The following PYGB variants were observed in gnomAD, a reference collection of about 807,000 sequenced individuals.
The protein encoded by PYGB is glycogen phosphorylase, brain form.
In PYGB, 82 loss-of-function variants were observed where a neutral mutation model predicts 94.3. The observed-to-expected ratio is 0.87, with a 90% CI of 0.73 to 1.04. PYGB has a LOEUF of 1.04. Among genes scored for constraint, PYGB ranks in the 50% least tolerant of loss-of-function variants. The pLI is 0.00. For synonymous variants in PYGB, 488 were observed against 479.1 expected (o/e 1.02, Z -0.24); for missense variants, 1,132 against 1,158.2 (o/e 0.98, Z 0.33).
intron 7 of PYGB, 45 bp downstream of exon 7, chr20:25,277,371 C>CTGGCATA (rs756407679): frequency 1.3e-6 from 2 of 1,515,864 alleles, no homozygotes; most frequent in Non-Finnish European, 1.8e-6. Flanking sequence ...GTATCGCTTT[C>CTGGCATA]TGGCATAGAG....
intron 18 of PYGB, chr20:25,294,794 T>A: frequency 7.0e-6 from 5 of 710,896 alleles, no homozygotes; most frequent in Non-Finnish European, 1.3e-5. Context: ...GCACATGGTA[T>A]GGTTTATCTA....
chr20:25,251,144 G>A (rs1325095049), intron 1 of PYGB: 2 of 152,234 alleles, frequency 1.3e-5, no homozygotes, highest in Non-Finnish European at 2.9e-5. Context: ...AACATGGAGA[G>A]CTTTGTGCTT....
intron 1 of PYGB, among the ~76,000 whole-genome samples, chr20:25,255,344 C>T (rs1280255900): frequency 6.6e-6 from 1 of 152,210 alleles, no homozygotes; most frequent in African/African-American, 2.4e-5. Flanking sequence ...TGAGACTGCT[C>T]AGCTCACCAG....
At chr20:25,257,370 G>A (rs1453232222) in intron 1 of PYGB, among the ~76,000 whole-genome samples, 4 of 152,200 alleles carry the variant, frequency 2.6e-5, no homozygotes, top group Admixed American at 2.0e-4. Flanking sequence ...AATTGGAGAC[G>A]CACAGGCTTC....
intron 12 of PYGB, among the ~76,000 whole-genome samples, chr20:25,282,783 A>C (rs751743841): frequency 3.3e-5 from 5 of 152,300 alleles, no homozygotes; most frequent in Non-Finnish European, 7.4e-5. Context: ...TGCAGGCAGC[A>C]CCTGGGTGAG....
rs200038988 is a variant in PYGB at position 25,248,355 on chromosome 20, G to T, written c.177G>T (p.Thr59=). 4 of 1,600,172 alleles carry T rather than the reference G, an allele frequency of 2.5e-6. No homozygotes were observed. In the South Asian group the frequency reaches 4.5e-5, roughly 18 times the overall value. The change falls in exon 1 of 20, where the codon ACG becomes ACT. Residue 59 remains threonine (T), a synonymous_variant. Transcript: ENST00000216962. ...PRDYFFALAH[T]VRDHLVGRWI... is the part of the protein sequence containing the mutation. ...ACTACTTCTTCGCGCTGGCGCACACGGTGCGCGACCACCTCGTGGGCCGCT... is the reference window on the plus strand; with the variant it reads ...ACTACTTCTTCGCGCTGGCGCACACTGTGCGCGACCACCTCGTGGGCCGCT...
chr20:25,249,620 A>G (rs895203529), intron 1 of PYGB, among the ~76,000 whole-genome samples: 2 of 152,240 alleles, frequency 1.3e-5, no homozygotes, highest in Non-Finnish European at 2.9e-5. Flanking sequence ...TGCTTTTCCA[A>G]ACTTATTCTG....
intron 4 of PYGB, among the ~76,000 whole-genome samples, chr20:25,272,648 C>A (rs2088277261): frequency 1.3e-5 from 2 of 152,222 alleles, no homozygotes; most frequent in Admixed American, 6.5e-5. Flanking sequence ...CTAAAAGTAA[C>A]CTAAAACGGA....
intron 3 of PYGB, among the ~76,000 whole-genome samples, chr20:25,269,482 C>T (rs1345652209): frequency 6.6e-6 from 1 of 152,202 alleles, no homozygotes; most frequent in Non-Finnish European, 1.5e-5. Flanking sequence ...ATATGCTGAC[C>T]ACTTTCCAGG....
rs772887816 is a variant in PYGB at position 25,280,442 on chromosome 20, G to A, written c.1239+30G>A. 6 of 1,611,714 alleles carry A rather than the reference G, an allele frequency of 3.7e-6. No individual in the cohort carries two copies. In the African/African-American group the frequency reaches 6.7e-5, roughly 18 times the overall value. On this transcript the variant is annotated intron_variant, in intron 10 of 19. Transcript: ENST00000216962. ...GTGTGGGCCCAGCTGGCCGTGTAGG[G>A]TGGCGGCTACACCCATGCCAACGGC...
In PYGB at chr20:25,283,266, A is replaced by G; in HGVS notation, c.1609A>G (p.Lys537Glu). Reference protein sequence around the residue: ...SDEVFIRDVAKVKQENKLKFS... With the variant: ...SDEVFIRDVAEVKQENKLKFS... The stretch of plus-strand genomic sequence containing the variant: ...CGAGGTGTTCATCAGGGACGTGGCC[A>G]AGGTCAAACAGGTAGGCATGGCCCT... The change falls in exon 13 of 20, where the codon AAG becomes GAG. Residue 537 changes from lysine to glutamate, a missense_variant. Lys to Glu is a moderately conservative substitution (Grantham distance 56). Transcript: ENST00000216962. 1 of 1,613,408 alleles carries G rather than the reference A, an allele frequency of 6.2e-7. No homozygotes were observed. Among genetic ancestry groups the G allele is most frequent in the Non-Finnish European group, 8.5e-7 (1 of 1,179,642 alleles).
rs75097410 is a variant in PYGB at position 25,295,159 on chromosome 20, C to G, written c.2313-445C>G. 5.4e-3 allele frequency: 5,116 copies of G among 948,530 alleles called. 170 individuals are homozygous for G. The African/African-American group carries it at 0.07, about 13-fold the overall frequency. The allele number at this position is 948,530 out of a possible 1,614,324, so 58.8% of individuals were successfully genotyped here. On this transcript the variant is annotated intron_variant, in intron 18 of 19. Transcript: ENST00000216962. ...GCATTTTTGTTCAGCACATCAGGAACTGCAAGTCAGTATTTCCTGTGTAGG... is the reference window on the plus strand; with the variant it reads ...GCATTTTTGTTCAGCACATCAGGAAGTGCAAGTCAGTATTTCCTGTGTAGG...
rs1487102995 is a variant in PYGB at position 25,281,071 on chromosome 20, T to C, written c.1362T>C (p.Asn454=). 3 of 1,614,136 alleles carry C rather than the reference T, an allele frequency of 1.9e-6. No individual in the cohort carries two copies. Among genetic ancestry groups the C allele is most frequent in the African/African-American group, 1.3e-5 (1 of 75,020 alleles). The change falls in exon 11 of 20, where the codon AAT becomes AAC. Residue 454 remains asparagine (N), a synonymous_variant. Coordinates refer to ENST00000216962, the MANE Select transcript of PYGB (RefSeq NM_002862.4). ...HLCVIGSHAV[N]GVARIHSEIV... ...GTGTGATTGGGTCCCATGCTGTCAA[T>C]GGTGTGGCGAGGATCCACTCGGAGA...
chr20:25,292,561 C>G lies in PYGB; in HGVS notation c.2125C>G (p.Leu709Val), dbSNP rs755218029. The change falls in exon 17 of 20, where the codon CTC becomes GTC. Residue 709 changes from leucine to valine, a missense_variant. Transcript: ENST00000216962. The part of the protein sequence containing the change: ...EMAEEAGAEN[L>V]FIFGLRVEDV... ...GGCCGAGGAGGCCGGGGCCGAGAACCTCTTCATCTTCGGCCTGCGGGTGGA... is the reference window on the plus strand; with the variant it reads ...GGCCGAGGAGGCCGGGGCCGAGAACGTCTTCATCTTCGGCCTGCGGGTGGA... 5.0e-6 allele frequency: 8 copies of G among 1,613,110 alleles called. No individual in the cohort carries two copies. In the Admixed American group the frequency reaches 6.7e-5, roughly 13 times the overall value.
chr20:25,288,637 A>G, intron 15 of PYGB, 154 bp downstream of exon 15: 1 of 831,396 alleles, frequency 1.2e-6, no homozygotes, highest in Non-Finnish European at 1.9e-6. Flanking sequence ...GGGGGTGGGG[A>G]CCCTGTAGAG....
intron 4 of PYGB, among the ~76,000 whole-genome samples, chr20:25,272,668 A>G (rs2088277497): frequency 6.6e-6 from 1 of 152,250 alleles, no homozygotes; most frequent in African/African-American, 2.4e-5. Context: ...ACTCGGATCC[A>G]TTGCTTGATT....
Position 25,280,981 on chromosome 20 carries a change from C to A in PYGB, c.1272C>A (p.Asp424Glu), listed in dbSNP as rs761201544. The part of the protein sequence containing the change: ...HVAALFPGDV[D>E]RLRRMSVIEE... The stretch of plus-strand genomic sequence containing the variant: ...CCGCGCTGTTTCCCGGCGATGTGGA[C>A]CGCCTGCGCAGGATGTCTGTGATCG... Residue 424 changes from aspartate (D) to glutamate (E), a missense_variant, in exon 11 of 20, where the codon GAC becomes GAA. Transcript: ENST00000216962. 1.9e-6 allele frequency: 3 copies of A among 1,613,994 alleles called. No homozygotes were observed. The Admixed American group carries it at 5.0e-5, about 27-fold the overall frequency.
Position 25,294,235 on chromosome 20 carries a change from C to G in PYGB, c.2255C>G (p.Ser752Cys). 1.9e-6 allele frequency: 3 copies of G among 1,613,390 alleles called. No homozygotes were observed. The highest frequency in any genetic ancestry group is 2.5e-6 in the Non-Finnish European group (3 of 1,179,672). ...AVDQISSGFF[S>C]PKEPDCFKDI... is the part of the protein sequence containing the mutation. ...GACCAGATCAGCAGTGGCTTTTTTT[C>G]TCCCAAGGAGCCAGACTGCTTCAAG... The change falls in exon 18 of 20, where the codon TCT (serine) becomes TGT (cysteine). Residue 752 changes from serine to cysteine, a missense_variant. Ser to Cys is a moderately radical substitution (Grantham distance 112, BLOSUM62 -1). Transcript: ENST00000216962.
intron 1 of PYGB, 85 bp downstream of exon 1, chr20:25,248,506 C>T (rs1251892004): frequency 1.4e-5 from 18 of 1,262,298 alleles, no homozygotes; most frequent in Non-Finnish European, 1.8e-5. Flanking sequence ...CTCTGCGGGG[C>T]GGCCCGTCGG....
Sources: allele counts gnomAD v4.1 joint callset (sites outside exome capture counted in the v4.1 genomes callset), GRCh38; gene constraint gnomAD v4.1.1; transcripts MANE v1.5; gene names NCBI Gene and HGNC (gene_info 2026-07-23, HGNC 2026-07-21).